CTNNA2: variants seen among roughly 807,000 people sequenced by gnomAD.
CTNNA2 encodes the protein catenin alpha 2, also known as catenin alpha-2.
A neutral mutation model predicts 101.0 loss-of-function variants in CTNNA2; 42 were observed. The observed-to-expected ratio is 0.42, with a 90% CI of 0.32 to 0.54. The LOEUF (loss-of-function observed/expected upper bound fraction) is 0.54, where lower values mean the gene tolerates loss of function less well. CTNNA2 is among the 20% of genes least tolerant of loss of function. CTNNA2 has a pLI of 0.14. For synonymous variants in CTNNA2, 450 were observed against 456.4 expected (o/e 0.99, Z 0.18); for missense variants, 871 against 1,223.1 (o/e 0.71, Z 4.29).
chr2:80,403,414 G>A (rs960306594), intron 8 of CTNNA2, among the ~76,000 whole-genome samples: 2 of 152,178 alleles, frequency 1.3e-5, no homozygotes, highest in African/African-American at 4.8e-5. Context: ...CTCCAGATTC[G>A]AAGACCTATT....
chr2:80,278,817 A>T (rs139918411), intron 7 of CTNNA2, among the ~76,000 whole-genome samples: 1,562 of 151,824 alleles, frequency 0.01, 15 homozygotes, highest in South Asian at 0.032. Flanking sequence ...AAATTAAAAA[A>T]ATATATATAT....
intron 3 of CTNNA2, among the ~76,000 whole-genome samples, chr2:79,363,480 C>T (rs528434287): frequency 2.0e-5 from 3 of 151,936 alleles, no homozygotes; most frequent in East Asian, 1.9e-4. Flanking sequence ...AATAATTTAA[C>T]GTATGTAAAG....
At chr2:79,779,657 T>C (rs1253114343) in intron 3 of CTNNA2, among the ~76,000 whole-genome samples, 1 of 152,164 alleles carries the variant, frequency 6.6e-6, no homozygotes, top group Non-Finnish European at 1.5e-5. Flanking sequence ...TGCTGGACTT[T>C]CCTAAAGTCT....
chr2:79,788,599 G>A (rs1675029497), intron 3 of CTNNA2, among the ~76,000 whole-genome samples: 1 of 152,170 alleles, frequency 6.6e-6, no homozygotes, highest in African/African-American at 2.4e-5. Context: ...CTGCTTCCGT[G>A]AGAGGACTCC....
chr2:80,178,182 A>T (rs991929997), intron 7 of CTNNA2, among the ~76,000 whole-genome samples: 1 of 152,158 alleles, frequency 6.6e-6, no homozygotes, highest in African/African-American at 2.4e-5. Flanking sequence ...CATGTAACTT[A>T]CTTGTGCCCC....
intron 9 of CTNNA2, among the ~76,000 whole-genome samples, chr2:80,470,354 C>T (rs972540095): frequency 6.6e-6 from 1 of 152,022 alleles, no homozygotes; most frequent in African/African-American, 2.4e-5. Context: ...AGATAAAGGG[C>T]CAGATAAGGA....
Position 80,620,420 on chromosome 2 carries a change from C to G in CTNNA2, c.2574+1192C>G, listed in dbSNP as rs549295527. 2.6e-5 allele frequency among the ~76,000 whole-genome samples: 4 copies of G among 151,952 alleles called. No individual in the cohort carries two copies. In the East Asian group the frequency reaches 7.8e-4, roughly 30 times the overall value. ...AGTTATACACTTTTATATTTAAAAGCACTACAGCTGATACTGCCCTCTTTA... is the reference window on the plus strand; with the variant it reads ...AGTTATACACTTTTATATTTAAAAGGACTACAGCTGATACTGCCCTCTTTA... On this transcript the variant is annotated intron_variant, in intron 18 of 18. Coordinates refer to ENST00000402739, the MANE Select transcript of CTNNA2 (RefSeq NM_001282597.3).
intron 17 of CTNNA2, among the ~76,000 whole-genome samples, chr2:80,609,883 C>CCTCCAAAG (rs1235814148): frequency 6.6e-6 from 1 of 151,724 alleles, no homozygotes; most frequent in Admixed American, 6.6e-5. Context: ...TTTGTCACTG[C>CCTCCAAAG]CTCCAAAGCT....
At chr2:79,365,777 C>T (rs1225838218) in intron 3 of CTNNA2, among the ~76,000 whole-genome samples, 2 of 151,942 alleles carry the variant, frequency 1.3e-5, no homozygotes, top group African/African-American at 2.4e-5. Context: ...TTCTTTCAGC[C>T]GCAGCAACTT....
chr2:79,815,925 A>G (rs1479368630), intron 3 of CTNNA2, among the ~76,000 whole-genome samples: 2 of 151,550 alleles, frequency 1.3e-5, no homozygotes, highest in African/African-American at 2.4e-5. Context: ...TGTGTCATCT[A>G]TTTCTTTCAG....
At chr2:80,392,937 G>A (rs967050935) in intron 7 of CTNNA2, among the ~76,000 whole-genome samples, 5 of 152,132 alleles carry the variant, frequency 3.3e-5, no homozygotes, top group South Asian at 4.1e-4. Flanking sequence ...ACTGCTAAGC[G>A]TCTGGAGGAG....
chr2:80,111,269 T>C (rs1365654967), intron 7 of CTNNA2, among the ~76,000 whole-genome samples: 1 of 152,224 alleles, frequency 6.6e-6, no homozygotes, highest in East Asian at 1.9e-4. Context: ...CATTCTGTTT[T>C]ATTATTCAGC....
intron 4 of CTNNA2, among the ~76,000 whole-genome samples, chr2:79,402,042 G>A (rs541623279): frequency 6.6e-6 from 1 of 151,638 alleles, no homozygotes; most frequent in Non-Finnish European, 1.5e-5. Context: ...TATACTTTAA[G>A]ACAAATTGTT....
intron 7 of CTNNA2, among the ~76,000 whole-genome samples, chr2:79,968,383 A>G (rs1269920229): frequency 6.6e-6 from 1 of 152,154 alleles, no homozygotes; most frequent in Non-Finnish European, 1.5e-5. Flanking sequence ...TGTTTCATTA[A>G]ATAGTTTTAA....
At chr2:79,394,218 GT>G (rs1678205870) in intron 4 of CTNNA2, among the ~76,000 whole-genome samples, 1 of 150,682 alleles carries the variant, frequency 6.6e-6, no homozygotes, top group South Asian at 2.1e-4. Flanking sequence ...GTTTGTTTTC[GT>G]TTCTCTCTGA....
intron 7 of CTNNA2, among the ~76,000 whole-genome samples, chr2:79,981,669 C>A (rs1434048165): frequency 1.3e-5 from 2 of 152,060 alleles, no homozygotes; most frequent in Non-Finnish European, 2.9e-5. Flanking sequence ...CTAGGAAAAT[C>A]AGTTATTATC....
intron 11 of CTNNA2, among the ~76,000 whole-genome samples, chr2:80,546,602 G>A (rs757098708): frequency 2.6e-5 from 4 of 152,194 alleles, no homozygotes; most frequent in Non-Finnish European, 5.9e-5. Flanking sequence ...AGAAGGAAGC[G>A]AGTGAAAGAA....
chr2:80,456,092 T>C (rs1319017681), intron 9 of CTNNA2, among the ~76,000 whole-genome samples: 2 of 152,212 alleles, frequency 1.3e-5, no homozygotes, highest in Non-Finnish European at 2.9e-5. Flanking sequence ...GAGTTGAAGA[T>C]ATGGCTCCTA....
intron 4 of CTNNA2, among the ~76,000 whole-genome samples, chr2:79,391,121 C>G (rs1245775760): frequency 6.6e-6 from 1 of 152,096 alleles, no homozygotes; most frequent in African/African-American, 2.4e-5. Flanking sequence ...AAAGGTGCAC[C>G]CAGCATCATG....
Sources: gnomAD v4.1 joint callset for allele counts (sites outside exome capture counted in the v4.1 genomes callset) on GRCh38, gnomAD v4.1.1 for gene constraint, MANE v1.5 for transcripts, NCBI Gene and HGNC (gene_info 2026-07-23, HGNC 2026-07-21) for gene names.